Variants in COL6A5 observed in about 807,000 individuals in gnomAD.
COL6A5 encodes the protein collagen type VI alpha 5 chain, also known as collagen alpha-5(VI) chain.
In COL6A5, 48 loss-of-function variants were observed where a neutral mutation model predicts 65.6. The observed-to-expected ratio is 0.73, with a 90% CI of 0.58 to 0.93. The LOEUF (loss-of-function observed/expected upper bound fraction) is 0.93. Among genes scored for constraint, COL6A5 ranks in the 40% least tolerant of loss-of-function variants. COL6A5 has a pLI of 0.00. For synonymous variants in COL6A5, 291 were observed against 322.8 expected (o/e 0.90, Z 1.05); for missense variants, 914 against 928.3 (o/e 0.98, Z 0.20).
intron 12 of COL6A5, among the ~76,000 whole-genome samples, chr3:130,402,096 A>G (rs995247264): frequency 6.6e-6 from 1 of 152,182 alleles, no homozygotes; most frequent in Non-Finnish European, 1.5e-5. Context: ...TTTGCAATTT[A>G]TACTTTTGTA....
At chr3:130,441,785 C>A (rs1019139936) in intron 3 of COL6A5, among the ~76,000 whole-genome samples, 3 of 152,076 alleles carry the variant, frequency 2.0e-5, no homozygotes, top group African/African-American at 7.2e-5. Context: ...ACAGGACAGA[C>A]CCCCCACCAC....
intron 30 of COL6A5, 48 bp from the exon 31 acceptor site, chr3:130,426,319 G>A: frequency 6.4e-7 from 1 of 1,550,978 alleles, no homozygotes; most frequent in Non-Finnish European, 8.7e-7. Flanking sequence ...TTACTCAAAA[G>A]TCACTGTACT....
chr3:130,346,062 T>G (rs968600019), intron 1 of COL6A5, 81 bp downstream of exon 1: 1 of 398,186 alleles, frequency 2.5e-6, no homozygotes, highest in African/African-American at 2.1e-5. Context: ...GTGAGAAGGA[T>G]TCTCCTTTCT....
At chr3:130,418,332 C>T (rs1408824555) in intron 24 of COL6A5, among the ~76,000 whole-genome samples, 1 of 152,004 alleles carries the variant, frequency 6.6e-6, no homozygotes, top group African/African-American at 2.4e-5. Flanking sequence ...CCTTTCTTGC[C>T]CAGTCCCCTG....
chr3:130,443,545 A>C (rs768934489), exon 4 of COL6A5: 1 of 1,609,512 alleles, frequency 6.2e-7, no homozygotes, highest in African/African-American at 1.3e-5. Flanking sequence ...GGAGGAGAGA[A>C]TATTCAAAAT....
chr3:130,443,952 C>G (rs957269742), intron 4 of COL6A5, among the ~76,000 whole-genome samples: 4 of 152,162 alleles, frequency 2.6e-5, no homozygotes, highest in Non-Finnish European at 5.9e-5. Context: ...GCCTGGGACT[C>G]TTGCTCCATT....
rs138252189 is a variant in COL6A5, at chr3:130,452,123, A to C, written c.1333-3332A>C. Among the ~76,000 whole-genome samples the C allele has an allele frequency of 8.1e-3, 1,230 of 152,280 alleles. 15 individuals carry two copies. The highest frequency in any genetic ancestry group is 0.028 in the African/African-American group (1,178 of 41,570). On this transcript the variant is annotated intron_variant, in intron 4 of 7. Coordinates refer to ENST00000512836, the Ensembl canonical transcript of COL6A5. ...GGAGTTTAATATAGCAGAGATAAGCATGATGCTTAGACTCTGCATGACCCA... is the reference window on the plus strand; with the variant it reads ...GGAGTTTAATATAGCAGAGATAAGCCTGATGCTTAGACTCTGCATGACCCA...
At chr3:130,411,718 A>G (rs1054230385) in intron 20 of COL6A5, among the ~76,000 whole-genome samples, 3 of 152,330 alleles carry the variant, frequency 2.0e-5, no homozygotes, top group Non-Finnish European at 2.9e-5. Context: ...AAATAGCTTT[A>G]TAACTGACAC....
chr3:130,429,556 C>T (rs1559898345), upstream of COL6A5: 1 of 1,545,420 alleles, frequency 6.5e-7, no homozygotes, highest in Non-Finnish European at 8.7e-7. Context: ...AAACTTTTCC[C>T]TCTCTCCTTT....
At chr3:130,383,131 C>T (rs1936064549) in intron 4 of COL6A5, among the ~76,000 whole-genome samples, 1 of 151,984 alleles carries the variant, frequency 6.6e-6, no homozygotes, top group Non-Finnish European at 1.5e-5. Flanking sequence ...AGGCCTTGAG[C>T]CAAGGGACAC....
chr3:130,373,079 C>A (rs1194936132), intron 1 of COL6A5, among the ~76,000 whole-genome samples: 2 of 152,208 alleles, frequency 1.3e-5, no homozygotes, highest in South Asian at 2.1e-4. Flanking sequence ...TTCACAAAGG[C>A]TTAGTGAAGG....
rs13094418 is a variant in COL6A5 at position 130,472,144 on chromosome 3, C to G, written c.2328+1177C>G. On this transcript the variant is annotated intron_variant, in intron 7 of 7. Transcript: ENST00000512836. ...TTCGAATTACAAGCAGGTATAAATG[C>G]TTGGTGTGGAGTCAGGGAATGGGGA... Among the ~76,000 whole-genome samples, 8,510 of 151,988 alleles carry G rather than the reference C, an allele frequency of 0.056. 353 individuals carry two copies. Among genetic ancestry groups the G allele is most frequent in the Middle Eastern group, 0.11 (31 of 294 alleles).
At chr3:130,473,874 C>T (rs1710022909) in intron 7 of COL6A5, among the ~76,000 whole-genome samples, 1 of 152,114 alleles carries the variant, frequency 6.6e-6, no homozygotes, top group East Asian at 1.9e-4. Flanking sequence ...AGGGAGCTCT[C>T]TTCTTCTTCC....
Position 130,440,423 on chromosome 3 carries a change from G to C in COL6A5, c.841G>C (p.Glu281Gln), listed in dbSNP as rs372956740. Reference sequence around the variant, plus strand: ...GAGAAAGATGGGTACAGTAAAAACAGAGTTTGATTTCATCACTTATGACAA... The same window carrying C: ...GAGAAAGATGGGTACAGTAAAAACACAGTTTGATTTCATCACTTATGACAA... Residue 281 changes from glutamate to glutamine, a missense_variant, in exon 3 of 8, where the codon GAG becomes CAG. Transcript: ENST00000512836. 16 of 1,613,508 alleles carry C rather than the reference G, an allele frequency of 9.9e-6. No individual in the cohort carries two copies. Among genetic ancestry groups the C allele is most frequent in the Middle Eastern group, 1.6e-4 (1 of 6,080 alleles).
intron 2 of COL6A5, among the ~76,000 whole-genome samples, chr3:130,375,403 G>A (rs1407168148): frequency 6.6e-6 from 1 of 152,102 alleles, no homozygotes; most frequent in Non-Finnish European, 1.5e-5. Context: ...TTGCAGAGCA[G>A]GTCAAAGCTA....
chr3:130,362,773 T>C (rs937125551), intron 1 of COL6A5, among the ~76,000 whole-genome samples: 4 of 152,194 alleles, frequency 2.6e-5, no homozygotes, highest in African/African-American at 9.6e-5. Flanking sequence ...GGAATATCTC[T>C]AATGCCCCTC....
chr3:130,431,299 C>A (rs1432223066), upstream of COL6A5: 6 of 781,978 alleles, frequency 7.7e-6, no homozygotes, highest in Non-Finnish European at 1.3e-5. Flanking sequence ...TTCAAGTTTG[C>A]AGGCCAGATT....
At chr3:130,415,282 C>T (rs1497306) in intron 22 of COL6A5, among the ~76,000 whole-genome samples, 89,804 of 152,062 alleles carry the variant, frequency 0.59, 28,846 homozygotes, top group Non-Finnish European at 0.73. Flanking sequence ...TTACTCTCTA[C>T]TTTACACATT....
chr3:130,389,560 C>T (rs903298904), intron 6 of COL6A5, among the ~76,000 whole-genome samples: 1 of 151,300 alleles, frequency 6.6e-6, no homozygotes, highest in Middle Eastern at 3.2e-3. Context: ...GTATCCTAAG[C>T]ACCACCCACC....
Sources: allele counts gnomAD v4.1 joint callset (sites outside exome capture counted in the v4.1 genomes callset), GRCh38; gene constraint gnomAD v4.1.1; transcripts MANE v1.5; gene names NCBI Gene and HGNC (gene_info 2026-07-23, HGNC 2026-07-21).